LIAT1: variants seen among roughly 807,000 people sequenced by gnomAD.
LIAT1 encodes protein LIAT1.
chr17:413,314 C>G, the LIAT1 span: 2 of 1,614,228 alleles, frequency 1.2e-6, no homozygotes, highest in Non-Finnish European at 1.7e-6. Flanking sequence ...CCGACTTTGC[C>G]GAAATAGAGA....
the LIAT1 span, among the ~76,000 whole-genome samples, chr17:411,519 C>T: frequency 0.02 from 3,046 of 152,186 alleles, 203 homozygotes; most frequent in East Asian, 0.25. Context: ...GGGCAACAAG[C>T]AAGACCCTGT....
the LIAT1 span, among the ~76,000 whole-genome samples, chr17:411,724 C>G: frequency 6.6e-6 from 1 of 152,226 alleles, no homozygotes; most frequent in African/African-American, 2.4e-5. Flanking sequence ...GTCCCTACAT[C>G]TCACCAAGCT....
chr17:410,787 C>T, the LIAT1 span: 4 of 733,828 alleles, frequency 5.5e-6, no homozygotes, highest in South Asian at 1.8e-5. Flanking sequence ...CACACATGCC[C>T]GTCAGCAGCA....
chr17:410,437 A>G, the LIAT1 span: 6 of 1,538,676 alleles, frequency 3.9e-6, no homozygotes, highest in Non-Finnish European at 5.2e-6. Context: ...GTTGGGTTGC[A>G]GCCCAGCGGG....
chr17:413,168 C>T, the LIAT1 span: 3 of 1,613,998 alleles, frequency 1.9e-6, no homozygotes, highest in Non-Finnish European at 2.5e-6. Flanking sequence ...GAGTCAGAGC[C>T]TGAAGAGCCA....
chr17:413,190 C>T, the LIAT1 span: 1 of 1,614,194 alleles, frequency 6.2e-7, no homozygotes, highest in Non-Finnish European at 8.5e-7. Context: ...CCGCTTTCTT[C>T]CTCCTTTCAT....
At chr17:410,849 C>A in the LIAT1 span, among the ~76,000 whole-genome samples, 1 of 152,168 alleles carries the variant, frequency 6.6e-6, no homozygotes, top group Non-Finnish European at 1.5e-5. Context: ...TCTGCGGTCC[C>A]TTAGCCCCAC....
chr17:410,670 T>C, the LIAT1 span: 1 of 1,534,544 alleles, frequency 6.5e-7, no homozygotes. Context: ...CTAGCCCGGC[T>C]GCGTCAGCTC....
chr17:413,734 C>T, the LIAT1 span: 153 of 1,586,876 alleles, frequency 9.6e-5, 1 homozygote, highest in East Asian at 1.5e-3. Flanking sequence ...GCTTCCACCC[C>T]GACCCCAAGG....
chr17:414,127 C>T, the LIAT1 span: 266 of 1,606,226 alleles, frequency 1.7e-4, no homozygotes, highest in East Asian at 2.5e-4. This position sits in a 1 kb window ranked among gnomAD's most constrained non-coding sequence, Gnocchi z 4.1. Flanking sequence ...AATCTACCCA[C>T]GACGCTCACA....
the LIAT1 span, chr17:414,569 C>T: frequency 6.1e-6 from 1 of 163,208 alleles, no homozygotes; most frequent in African/African-American, 2.4e-5. The surrounding 1 kb of genome is among the most constrained non-coding windows in gnomAD (Gnocchi z 4.1). Context: ...CTTTATATGG[C>T]CTCAAATAAG....
chr17:411,900 G>A, the LIAT1 span, among the ~76,000 whole-genome samples: 4 of 152,228 alleles, frequency 2.6e-5, no homozygotes, highest in East Asian at 3.8e-4. Flanking sequence ...AGGGCTCTAA[G>A]CTCCAGTTCT....
chr17:414,356 A>G, the LIAT1 span: 1 of 519,202 alleles, frequency 1.9e-6, no homozygotes, highest in Non-Finnish European at 3.4e-6. This position sits in a 1 kb window ranked among gnomAD's most constrained non-coding sequence, Gnocchi z 4.1. Flanking sequence ...TTTCTTAAGT[A>G]AGCATCTCTG....
chr17:413,458 C>T, the LIAT1 span: 2 of 1,606,228 alleles, frequency 1.2e-6, no homozygotes, highest in Non-Finnish European at 1.7e-6. Context: ...TCAAGGGCTT[C>T]CACCCCGACC....
the LIAT1 span, among the ~76,000 whole-genome samples, chr17:411,930 C>T: frequency 6.6e-6 from 1 of 152,204 alleles, no homozygotes; most frequent in South Asian, 2.1e-4. Flanking sequence ...CCCTCTGTGG[C>T]AGAGCTGGCA....
the LIAT1 span, chr17:413,962 G>C: frequency 8.7e-6 from 14 of 1,614,016 alleles, no homozygotes; most frequent in Admixed American, 1.3e-4. Context: ...ATGCCGAGGA[G>C]GCCCCTGAGA....
the LIAT1 span, chr17:410,388 C>G: frequency 5.2e-6 from 8 of 1,524,168 alleles, no homozygotes; most frequent in Non-Finnish European, 7.0e-6. Flanking sequence ...TGAGAGTCGC[C>G]GATTAGTCGG....
the LIAT1 span, chr17:414,158 C>G: frequency 1.6e-5 from 26 of 1,582,430 alleles, no homozygotes; most frequent in Non-Finnish European, 1.8e-5. This position sits in a 1 kb window ranked among gnomAD's most constrained non-coding sequence, Gnocchi z 4.1. Context: ...TCCTCCTCAC[C>G]ACAAGTTTAT....
the LIAT1 span, chr17:414,240 G>C: frequency 8.2e-7 from 1 of 1,215,138 alleles, no homozygotes; most frequent in Non-Finnish European, 1.1e-6. The surrounding 1 kb of genome is among the most constrained non-coding windows in gnomAD (Gnocchi z 4.1). Context: ...GTACACGGAC[G>C]ACGCCGACTC....
Sources: gnomAD v4.1 joint callset for allele counts (sites outside exome capture counted in the v4.1 genomes callset) on GRCh38, gnomAD v4.1.1 for gene constraint, Gnocchi (gnomAD v3.1) non-coding constraint, MANE v1.5 for transcripts, NCBI Gene and HGNC (gene_info 2026-07-23, HGNC 2026-07-21) for gene names.